Variants in MTMR3 observed in about 807,000 individuals in gnomAD.
The protein encoded by MTMR3 is phosphatidylinositol-3,5-bisphosphate 3-phosphatase MTMR3.
Under a neutral mutation model 132.4 loss-of-function variants are expected in MTMR3, and 32 were observed. The observed-to-expected ratio is 0.24, with a 90% CI of 0.18 to 0.32. MTMR3 has a LOEUF of 0.32. Ranked by LOEUF, MTMR3 falls within the 10% of genes least tolerant of loss-of-function variation. MTMR3 has a pLI of 1.00. For missense variants in MTMR3, 1,216 were observed against 1,489.6 expected, an observed-to-expected ratio of 0.82 and a Z score of 3.02; for synonymous variants, 556 against 550.3, an observed-to-expected ratio of 1.01 and a Z score of -0.14.
At position 29,915,990 on chromosome 22, in the gene MTMR3, C is replaced by T. The variant is rs200553818; in HGVS notation, c.-138+32631C>T. ...CGACATTCTGCCTTCAAATTATATACCACTTAATGTATAAGAATCCTATGG... is the reference window on the plus strand; with the variant it reads ...CGACATTCTGCCTTCAAATTATATATCACTTAATGTATAAGAATCCTATGG... On this transcript the variant is annotated intron_variant, in intron 1 of 19. Coordinates refer to ENST00000401950, the MANE Select transcript of MTMR3 (RefSeq NM_021090.4). Among the ~76,000 whole-genome samples, 12 of 152,260 alleles carry T rather than the reference C, an allele frequency of 7.9e-5. No homozygotes were observed. The East Asian group carries it at 2.3e-3, about 29-fold the overall frequency.
chr22:29,883,380 C>A, intron 1 of MTMR3, 21 bp downstream of exon 1: 1 of 156,836 alleles, frequency 6.4e-6, no homozygotes, highest in South Asian at 1.7e-4. Flanking sequence ...CATCCCCGTC[C>A]TCCGTCTCCT....
At chr22:29,922,289 G>A (rs1429175141) in intron 1 of MTMR3, among the ~76,000 whole-genome samples, 3 of 152,108 alleles carry the variant, frequency 2.0e-5, no homozygotes, top group African/African-American at 7.2e-5. Flanking sequence ...AAAGTGCTGG[G>A]ATTACAACTG....
At position 29,951,833 on chromosome 22, in the gene MTMR3, T is replaced by G. The variant is rs571653904; in HGVS notation, c.-137-5203T>G. ...CTATTGAAACAGAGTTTTCACTTGT[T>G]AATAGTGGAAATTATCTTAAGTGTT... On this transcript the variant is annotated intron_variant, in intron 1 of 19. Coordinates refer to ENST00000401950, the MANE Select transcript of MTMR3 (RefSeq NM_021090.4). Among the ~76,000 whole-genome samples the G allele has an allele frequency of 3.9e-5, 6 of 152,248 alleles. No homozygotes were observed. In the East Asian group the frequency reaches 1.2e-3, roughly 29 times the overall value.
intron 2 of MTMR3, among the ~76,000 whole-genome samples, chr22:29,960,206 A>G (rs188329903): frequency 3.9e-5 from 6 of 152,322 alleles, no homozygotes; most frequent in African/African-American, 1.2e-4. Flanking sequence ...AATAGCTTCA[A>G]TATATGATCC....
At position 30,020,900 on chromosome 22, in the gene MTMR3, TA is replaced by T. The variant is rs2067728051; in HGVS notation, c.3225+17del. 1 of 1,557,846 alleles carries T rather than the reference TA, an allele frequency of 6.4e-7. No homozygotes were observed. Among genetic ancestry groups the T allele is most frequent in the Non-Finnish European group, 8.7e-7 (1 of 1,149,422 alleles). ...GGATGAGGTGGTGAGTAGGCTGTGG[TA>T]TTCCTCCATAGCTGCCCAAGGAGAC... On this transcript the variant is annotated intron_variant, in intron 17 of 19. Coordinates refer to ENST00000401950, the MANE Select transcript of MTMR3 (RefSeq NM_021090.4).
intron 1 of MTMR3, among the ~76,000 whole-genome samples, chr22:29,919,163 C>T (rs911446403): frequency 6.6e-6 from 1 of 152,170 alleles, no homozygotes; most frequent in African/African-American, 2.4e-5. Context: ...TCTTAGCAGT[C>T]ACTGGGTCAT....
intron 1 of MTMR3, among the ~76,000 whole-genome samples, chr22:29,949,122 C>G (rs1173588072): frequency 8.3e-5 from 3 of 36,224 alleles, no homozygotes; most frequent in Non-Finnish European, 1.8e-4. Context: ...CACACACACA[C>G]ACACACACAC....
chr22:30,016,815 T>G, intron 15 of MTMR3, 117 bp downstream of exon 15: 1 of 1,206,228 alleles, frequency 8.3e-7, no homozygotes, highest in Non-Finnish European at 1.2e-6. Context: ...TGTCTCTGGA[T>G]GGACTGGTTC....
chr22:29,890,859 T>G (rs1287329057), intron 1 of MTMR3, among the ~76,000 whole-genome samples: 1 of 152,086 alleles, frequency 6.6e-6, no homozygotes, highest in East Asian at 1.9e-4. Context: ...CTAAAAAATT[T>G]TGAGCATTAA....
At chr22:29,947,642 C>T (rs1420460594) in intron 1 of MTMR3, among the ~76,000 whole-genome samples, 4 of 152,056 alleles carry the variant, frequency 2.6e-5, no homozygotes, top group African/African-American at 7.2e-5. Flanking sequence ...TAAAAGCATA[C>T]GGGGAGAAAT....
At chr22:29,961,418 T>G (rs1040705750) in intron 2 of MTMR3, among the ~76,000 whole-genome samples, 1 of 152,144 alleles carries the variant, frequency 6.6e-6, no homozygotes, top group Non-Finnish European at 1.5e-5. Context: ...TAGGAGGGAT[T>G]TGTTATATTA....
intron 1 of MTMR3, among the ~76,000 whole-genome samples, chr22:29,884,906 T>C (rs971612889): frequency 3.9e-5 from 6 of 152,186 alleles, no homozygotes; most frequent in Admixed American, 2.6e-4. Context: ...GTATGTGATA[T>C]TAAATTAAAT....
chr22:30,022,006 C>G (rs1389364578), intron 17 of MTMR3, 23 bp from the exon 18 acceptor site: 2 of 1,570,956 alleles, frequency 1.3e-6, no homozygotes, highest in South Asian at 2.2e-5. Flanking sequence ...TCATTCTGTT[C>G]AGCTGTGTTT....
chr22:29,923,599 A>C (rs79296409), intron 1 of MTMR3, among the ~76,000 whole-genome samples: 2 of 152,136 alleles, frequency 1.3e-5, no homozygotes, highest in Non-Finnish European at 2.9e-5. Flanking sequence ...TTCTCAGGCT[A>C]CCATAACAAA....
chr22:29,952,460 A>G (rs1403980551), intron 1 of MTMR3, among the ~76,000 whole-genome samples: 7 of 151,794 alleles, frequency 4.6e-5, no homozygotes, highest in Non-Finnish European at 8.8e-5. Flanking sequence ...AACCAGGACA[A>G]TGACAGAATT....
rs918615417 is a variant in MTMR3, at chr22:29,925,642, A to G, written c.-137-31394A>G. The stretch of plus-strand genomic sequence containing the variant: ...TTAAAGTACACAACTAGGGCCGGGC[A>G]TGGTGGCTCATGCCTGTAATCCCAG... On this transcript the variant is annotated intron_variant, in intron 1 of 19. Transcript: ENST00000401950. Among the ~76,000 whole-genome samples, 40 of 151,768 alleles carry G rather than the reference A, an allele frequency of 2.6e-4. 1 individual carries two copies. Among genetic ancestry groups the G allele is most frequent in the African/African-American group, 5.3e-4 (22 of 41,338 alleles).
intron 1 of MTMR3, among the ~76,000 whole-genome samples, chr22:29,897,475 C>T (rs893047267): frequency 3.3e-5 from 5 of 151,544 alleles, no homozygotes; most frequent in Admixed American, 1.3e-4. Context: ...ATTTTTGAGA[C>T]GGGCTCTCAC....
chr22:30,009,525 T>A (rs1008844486), intron 12 of MTMR3: 1 of 166,802 alleles, frequency 6.0e-6, no homozygotes, highest in Non-Finnish European at 1.3e-5. Flanking sequence ...AACTGGGATG[T>A]TTTATCATGA....
At chr22:29,896,869 T>TCACACACA (rs61038012) in intron 1 of MTMR3, among the ~76,000 whole-genome samples, 3,959 of 138,086 alleles carry the variant, frequency 0.029, 101 homozygotes, top group Middle Eastern at 0.057. Flanking sequence ...CAGGCTTGTC[T>TCACACACA]CACACACACA....
Sources: allele counts gnomAD v4.1 joint callset (sites outside exome capture counted in the v4.1 genomes callset), GRCh38; gene constraint gnomAD v4.1.1; transcripts MANE v1.5; gene names NCBI Gene and HGNC (gene_info 2026-07-23, HGNC 2026-07-21).